The following PPARG variants were observed in gnomAD, a reference collection of about 807,000 sequenced individuals.
PPARG encodes the protein peroxisome proliferator activated receptor gamma, also known as peroxisome proliferator-activated receptor gamma.
In PPARG, 17 loss-of-function variants were observed where a neutral mutation model predicts 39.2. The ratio of observed to expected loss-of-function variants is 0.43; its 90% CI spans 0.30 to 0.65. PPARG has a LOEUF of 0.65. PPARG is among the 30% of genes least tolerant of loss of function. The pLI is 0.13. For missense variants in PPARG, 406 were observed against 585.9 expected, an observed-to-expected ratio of 0.69 and a Z score of 3.17; for synonymous variants, 223 against 215.7, an observed-to-expected ratio of 1.03 and a Z score of -0.30.
chr3:12,402,926 C>T (rs562816008), intron 5 of PPARG, among the ~76,000 whole-genome samples: 1 of 152,324 alleles, frequency 6.6e-6, no homozygotes, highest in East Asian at 1.9e-4. Flanking sequence ...ATGTAACCTA[C>T]ACATACCCTC....
intron 5 of PPARG, chr3:12,399,607 A>C (rs1668285481): frequency 6.2e-6 from 1 of 161,438 alleles, no homozygotes; most frequent in Non-Finnish European, 1.3e-5. Flanking sequence ...AAAGAAAGAA[A>C]GAAAGAAAAG....
intron 2 of PPARG, among the ~76,000 whole-genome samples, chr3:12,353,619 T>A (rs182472121): frequency 3.0e-3 from 464 of 152,204 alleles, no homozygotes; most frequent in Non-Finnish European, 5.2e-3. Flanking sequence ...AGTGGCACAT[T>A]TAGTGTGAAT....
At chr3:12,430,253 G>A (rs2051610018) in intron 7 of PPARG, among the ~76,000 whole-genome samples, 1 of 152,206 alleles carries the variant, frequency 6.6e-6, no homozygotes, top group African/African-American at 2.4e-5. Context: ...GGAGAATTGT[G>A]CTTTTTGATC....
rs1302998459 is a variant in PPARG at position 12,330,301 on chromosome 3, T to TAAAAA, written c.-9+17848_-9+17849insAAAAA. Among the ~76,000 whole-genome samples the TAAAAA allele has an allele frequency of 1.8e-3, 204 of 114,534 alleles. 1 individual carries two copies. The highest frequency in any genetic ancestry group is 2.6e-3 in the Non-Finnish European group (143 of 54,430). 75.1% of individuals were successfully genotyped at this position (114,534 alleles called of 152,430 possible). ...CTCTACATTGCTACAACACCTTTTTTTAAAAAAAAAAAAAAAAAAAAAGCT... is the reference window on the plus strand; with the variant it reads ...CTCTACATTGCTACAACACCTTTTTTAAAAATAAAAAAAAAAAAAAAAAAAAAGCT... On this transcript the variant is annotated intron_variant, in intron 2 of 7. Transcript: ENST00000651735.
At chr3:12,432,744 A>G (rs2051703129) in intron 7 of PPARG, among the ~76,000 whole-genome samples, 3 of 152,234 alleles carry the variant, frequency 2.0e-5, no homozygotes, top group Admixed American at 1.3e-4. Flanking sequence ...GTAGAAATCC[A>G]TGATTAAAAG....
intron 2 of PPARG, among the ~76,000 whole-genome samples, chr3:12,336,468 T>C (rs1157111525): frequency 6.6e-6 from 1 of 152,172 alleles, no homozygotes; most frequent in Admixed American, 6.5e-5. Flanking sequence ...TGGAAGATAA[T>C]AGTTCTTTAG....
In PPARG at chr3:12,325,475, C is replaced by G. The variant is rs1379691842; in HGVS notation, c.-9+13022C>G. Among the ~76,000 whole-genome samples, 5 of 152,010 alleles carry G rather than the reference C, an allele frequency of 3.3e-5. No individual in the cohort carries two copies. The South Asian group carries it at 1.0e-3, about 32-fold the overall frequency. On this transcript the variant is annotated intron_variant, in intron 2 of 7. Coordinates refer to ENST00000651735, the MANE Select transcript of PPARG (RefSeq NM_138711.6). ...AAACGAGCCAGTGTCGTGGTGTGCA[C>G]CTGTAGTCCCAGATACTCGGGAGGC...
chr3:12,418,634 A>G (rs2051158257), intron 7 of PPARG, among the ~76,000 whole-genome samples: 1 of 152,178 alleles, frequency 6.6e-6, no homozygotes, highest in African/African-American at 2.4e-5. Context: ...TTCAATCCTC[A>G]CAACAATTCA....
At chr3:12,387,633 G>T (rs1190701689) in intron 4 of PPARG, among the ~76,000 whole-genome samples, 1 of 152,080 alleles carries the variant, frequency 6.6e-6, no homozygotes, top group Non-Finnish European at 1.5e-5. Flanking sequence ...TGTCAGATGG[G>T]TAGATTGCAA....
chr3:12,294,527 A>G (rs1394147251), intron 1 of PPARG, among the ~76,000 whole-genome samples: 3 of 152,222 alleles, frequency 2.0e-5, no homozygotes, highest in Non-Finnish European at 2.9e-5. Flanking sequence ...GAACTTTTCA[A>G]TCACTTCAGA....
intron 4 of PPARG, among the ~76,000 whole-genome samples, chr3:12,386,981 G>A (rs1051005208): frequency 1.3e-5 from 2 of 149,486 alleles, no homozygotes; most frequent in African/African-American, 2.5e-5. Flanking sequence ...TTGGTTTTCT[G>A]TCCTTGTGAT....
intron 7 of PPARG, among the ~76,000 whole-genome samples, chr3:12,425,589 G>A (rs1559536849): frequency 6.6e-6 from 1 of 152,128 alleles, no homozygotes; most frequent in Non-Finnish European, 1.5e-5. Flanking sequence ...AGACTTGGAA[G>A]GGATCGTTCT....
chr3:12,341,178 G>A lies in PPARG; in HGVS notation c.-9+28725G>A, dbSNP rs868141153. Among the ~76,000 whole-genome samples, 23 of 71,150 alleles carry A rather than the reference G, an allele frequency of 3.2e-4. No homozygotes were observed. In the East Asian group the frequency reaches 5.0e-3, roughly 15 times the overall value. The allele number at this position is 71,150 out of a possible 152,430, so 46.7% of individuals were successfully genotyped here. On this transcript the variant is annotated intron_variant, in intron 2 of 7. Transcript: ENST00000651735. ...AGCCTGGGCAACAGAGCGAGACTCCGTCTCAAAAAAAAAAAAAAGATTAGA... is the reference window on the plus strand; with the variant it reads ...AGCCTGGGCAACAGAGCGAGACTCCATCTCAAAAAAAAAAAAAAGATTAGA...
chr3:12,344,631 C>G (rs1309262938), intron 2 of PPARG, among the ~76,000 whole-genome samples: 1 of 152,126 alleles, frequency 6.6e-6, no homozygotes, highest in African/African-American at 2.4e-5. Flanking sequence ...TTTGAAGATT[C>G]CATACTCTAT....
chr3:12,315,308 C>T (rs1486134581), intron 2 of PPARG, among the ~76,000 whole-genome samples: 1 of 152,112 alleles, frequency 6.6e-6, no homozygotes, highest in Admixed American at 6.5e-5. Context: ...GGTATTCCAT[C>T]GTGTATGTGA....
intron 2 of PPARG, among the ~76,000 whole-genome samples, chr3:12,314,080 C>T (rs1212699072): frequency 1.3e-5 from 2 of 152,074 alleles, no homozygotes; most frequent in African/African-American, 2.4e-5. Flanking sequence ...AGTTCGAGAC[C>T]AGACTGGCCA....
intron 1 of PPARG, among the ~76,000 whole-genome samples, chr3:12,303,630 T>A: frequency 6.6e-6 from 1 of 152,224 alleles, no homozygotes; most frequent in East Asian, 1.9e-4. Context: ...AGTCCTTCTT[T>A]GTCAAAGGAT....
chr3:12,424,607 A>G (rs1378288844), intron 7 of PPARG, among the ~76,000 whole-genome samples: 1 of 152,232 alleles, frequency 6.6e-6, no homozygotes, highest in Non-Finnish European at 1.5e-5. Flanking sequence ...CAGACAGATC[A>G]TCTGCAAGTG....
intron 4 of PPARG, 110 bp from the exon 5 acceptor site, chr3:12,392,504 G>A (rs1228426493): frequency 2.4e-6 from 3 of 1,259,730 alleles, no homozygotes; most frequent in Non-Finnish European, 2.3e-6. Context: ...ACAGAATCGT[G>A]TCAAGAACCT....
Sources: allele counts gnomAD v4.1 joint callset (sites outside exome capture counted in the v4.1 genomes callset), GRCh38; gene constraint gnomAD v4.1.1; transcripts MANE v1.5; gene names NCBI Gene and HGNC (gene_info 2026-07-23, HGNC 2026-07-21).